ATP13A2: variants seen among roughly 807,000 people sequenced by gnomAD.
ATP13A2 encodes ATPase cation transporting 13A2.
ATP13A2 carries 83 observed loss-of-function variants against 138.3 expected under a neutral mutation model. That is an observed-to-expected ratio of 0.60 (90% CI 0.50 to 0.72). The LOEUF (loss-of-function observed/expected upper bound fraction) is 0.72, where lower values mean the gene tolerates loss of function less well. Ranked by LOEUF, ATP13A2 falls within the 30% of genes least tolerant of loss-of-function variation. The pLI, the probability that ATP13A2 is intolerant of heterozygous loss-of-function variation, is 0.00. For synonymous variants in ATP13A2, 663 were observed against 699.0 expected (o/e 0.95, Z 0.81); for missense variants, 1,402 against 1,606.4 (o/e 0.87, Z 2.17).
Position 17,004,993 on chromosome 1 carries a change from G to A in ATP13A2, c.347+21C>T, listed in dbSNP as rs369067185. On this transcript the variant is annotated intron_variant, in intron 4 of 28. Transcript: ENST00000326735. This position sits in a 1 kb window ranked among gnomAD's most constrained non-coding sequence, Gnocchi z 4.1. ...CCAGGGTAGCAGGGGCTTCTGGGAA[G>A]GGGCAATGGGGCTGCCTCACCTGCC... 6.2e-7 allele frequency: 1 copy of A among 1,613,508 alleles called. No individual in the cohort carries two copies. Among genetic ancestry groups the A allele is most frequent in the Admixed American group, 1.7e-5 (1 of 60,002 alleles).
rs767641808 is a variant in ATP13A2, at chr1:17,002,141, A to G, written c.636-38T>C. The G allele has an allele frequency of 2.0e-5, 32 of 1,605,660 alleles. No individual in the cohort carries two copies. The East Asian group carries it at 6.5e-4, about 33-fold the overall frequency. On this transcript the variant is annotated intron_variant, in intron 7 of 28. Coordinates refer to ENST00000326735, the MANE Select transcript of ATP13A2 (RefSeq NM_022089.4). ...ATGAGGCCAAGCCATCAGAAGGAGG[A>G]GCTGTGGCTGGACCCTCCCGGGGTG...
At chr1:17,001,255 T>TAAAAAA (rs2077343976) in intron 8 of ATP13A2, among the ~76,000 whole-genome samples, 1 of 55,152 alleles carries the variant, frequency 1.8e-5, no homozygotes, top group African/African-American at 1.0e-4. Flanking sequence ...CCGTATCTAC[T>TAAAAAA]AAAAATACAA....
rs374472419 is a variant in ATP13A2, at chr1:16,994,293, C to T, written c.1543-458G>A. ...TGTCGCCCGCGCTGGAGTGCAGTGG[C>T]GCAATCTCAGTTCACTGCAACCTCC... On this transcript the variant is annotated intron_variant, in intron 15 of 28. Transcript: ENST00000326735. Among the ~76,000 whole-genome samples, 141 of 151,184 alleles carry T rather than the reference C, an allele frequency of 9.3e-4. 6 individuals are homozygous for T. The South Asian group carries it at 0.027, about 29-fold the overall frequency.
intron 1 of ATP13A2, among the ~76,000 whole-genome samples, chr1:17,009,687 AC>A (rs1206156421): frequency 6.6e-6 from 1 of 151,328 alleles, no homozygotes; most frequent in Non-Finnish European, 1.5e-5. Flanking sequence ...GAGCCACCAC[AC>A]CCGGCCTCAA....
chr1:16,988,528 G>A, intron 23 of ATP13A2, 54 bp from the exon 24 acceptor site: 2 of 1,611,862 alleles, frequency 1.2e-6, no homozygotes, highest in Non-Finnish European at 1.7e-6. Flanking sequence ...CCACCCCATG[G>A]GTGGGCTGGC....
rs564643512 is a variant in ATP13A2 at position 16,988,226 on chromosome 1, C to T, written c.2771G>A (p.Arg924His). The T allele has an allele frequency of 1.4e-4, 233 of 1,614,046 alleles. No homozygotes were observed. Among genetic ancestry groups the T allele is most frequent in the Non-Finnish European group, 1.8e-4 (217 of 1,180,010 alleles). The change falls in exon 25 of 29, where the codon CGC (arginine) becomes CAC (histidine). Residue 924 changes from arginine (R) to histidine (H), a missense_variant. Transcript: ENST00000326735. The part of the protein sequence containing the change: ...ECVPMVIREG[R>H]CSLDTSFSVF... ...GCTGAACGAAGTGTCAAGGGAACAG[C>T]GCCCCTCCCTGGGTGGCAGGGCACG... is the stretch of plus-strand genomic sequence containing the variant.
intron 8 of ATP13A2, among the ~76,000 whole-genome samples, chr1:17,001,568 A>T (rs2077358021): frequency 6.6e-6 from 1 of 152,120 alleles, no homozygotes; most frequent in Admixed American, 6.5e-5. Context: ...ACTTTATTCT[A>T]GTTGTGTCCA....
intron 25 of ATP13A2, 25 bp downstream of exon 25, chr1:16,988,113 G>A: frequency 6.2e-7 from 1 of 1,603,314 alleles, no homozygotes; most frequent in East Asian, 2.2e-5. Flanking sequence ...GACGGCTCTG[G>A]GTACGGAGCT....
In ATP13A2 at chr1:16,996,412, T is replaced by G; in HGVS notation, c.1280A>C (p.Lys427Thr). 3 of 1,614,102 alleles carry G rather than the reference T, an allele frequency of 1.9e-6. No homozygotes were observed. Among genetic ancestry groups the G allele is most frequent in the Non-Finnish European group, 8.5e-7 (1 of 1,180,022 alleles). The change falls in exon 13 of 29, where the codon AAG (lysine) becomes ACG (threonine). Residue 427 changes from lysine to threonine, a missense_variant. Physicochemically the swap from Lys to Thr is moderately conservative, Grantham distance 78. Transcript: ENST00000326735. ...INFKFYKHSM[K>T]FVAALSVLAL... The stretch of plus-strand genomic sequence containing the variant: ...CAGGACAGAGAGGGCAGCCACAAAC[T>G]TCATGCTGTGTTTATAGAACTTGAA...
At chr1:16,996,652 C>G (rs988482401) in intron 12 of ATP13A2, 156 bp from the exon 13 acceptor site, 1 of 658,444 alleles carries the variant, frequency 1.5e-6, no homozygotes, top group Non-Finnish European at 2.7e-6. Flanking sequence ...TCTGGCCCGG[C>G]TCTTGTAGGC....
chr1:16,997,376 C>A (rs1020458742), intron 11 of ATP13A2, among the ~76,000 whole-genome samples: 1 of 138,932 alleles, frequency 7.2e-6, no homozygotes, highest in Non-Finnish European at 1.5e-5. Flanking sequence ...CAGGGAGACA[C>A]TCCTGGAAGC....
At position 17,000,008 on chromosome 1, in the gene ATP13A2, C is replaced by T; in HGVS notation, c.1039+3G>A. ...AGCTGCAGGCCAGGGGCTGGGGGCTCACCTGTCAGAGAGCTCTCATTCACC... is the reference window on the plus strand; with the variant it reads ...AGCTGCAGGCCAGGGGCTGGGGGCTTACCTGTCAGAGAGCTCTCATTCACC... On this transcript the variant is annotated splice_donor_region_variant and intron_variant, in intron 11 of 28. Transcript: ENST00000326735. 2 of 1,603,602 alleles carry T rather than the reference C, an allele frequency of 1.2e-6. No homozygotes were observed. The highest frequency in any genetic ancestry group is 2.2e-5 in the South Asian group (2 of 90,028).
rs374468183 is a variant in ATP13A2 at position 17,000,547 on chromosome 1, C to A, written c.706-13G>T. On this transcript the variant is annotated splice_polypyrimidine_tract_variant and intron_variant, in intron 8 of 28. Transcript: ENST00000326735. ...AGGGGTTCAGTGCCTGGGGGAGGGG[C>A]GGGAGGCAGCGTCAGGGCCGCGTCC... 16 of 1,610,940 alleles carry A rather than the reference C, an allele frequency of 9.9e-6. No individual in the cohort carries two copies. Among genetic ancestry groups the A allele is most frequent in the Admixed American group, 1.7e-5 (1 of 59,924 alleles).
chr1:17,002,453 A>G, intron 6 of ATP13A2, 80 bp from the exon 7 acceptor site: 1 of 1,509,758 alleles, frequency 6.6e-7, no homozygotes. Context: ...GCTGGAGACT[A>G]TGGGCTCTAG....
At position 16,992,235 on chromosome 1, in the gene ATP13A2, C is replaced by T; in HGVS notation, c.2005+8G>A. On this transcript the variant is annotated splice_region_variant and intron_variant, in intron 18 of 28. Transcript: ENST00000326735. ...CAACCAGGGGGACTCAGGGGCTTCC[C>T]CCTGCACCTGTCTCGGGGTTGCAGA... 5 of 1,612,782 alleles carry T rather than the reference C, an allele frequency of 3.1e-6. No homozygotes were observed. Among genetic ancestry groups the T allele is most frequent in the Non-Finnish European group, 4.2e-6 (5 of 1,179,944 alleles).
intron 23 of ATP13A2, 66 bp from the exon 24 acceptor site, chr1:16,988,540 G>C: frequency 6.2e-7 from 1 of 1,607,554 alleles, no homozygotes; most frequent in Non-Finnish European, 8.5e-7. Context: ...TGGGCTGGCA[G>C]AATATGATGA....
intron 24 of ATP13A2, 23 bp downstream of exon 24, chr1:16,988,299 C>A (rs745504274): frequency 6.2e-7 from 1 of 1,614,192 alleles, no homozygotes; most frequent in South Asian, 1.1e-5. Flanking sequence ...GAGCCCTCAC[C>A]CACCGGTCCC....
chr1:16,995,905 G>A lies in ATP13A2; in HGVS notation c.1542+71C>T, dbSNP rs769412081. On this transcript the variant is annotated intron_variant, in intron 15 of 28. Transcript: ENST00000326735. The surrounding 1 kb of genome is among the most constrained non-coding windows in gnomAD (Gnocchi z 4.1). ...GTGGGTGCTGCTGAGAGAATAACGCGGGTGTGGAGGCCTCACTGGGGCGCC... is the reference window on the plus strand; with the variant it reads ...GTGGGTGCTGCTGAGAGAATAACGCAGGTGTGGAGGCCTCACTGGGGCGCC... 1.0e-5 allele frequency: 16 copies of A among 1,571,530 alleles called. No individual in the cohort carries two copies. Among genetic ancestry groups the A allele is most frequent in the African/African-American group, 1.4e-5 (1 of 73,996 alleles).
At chr1:17,001,775 C>T (rs372217849) in intron 8 of ATP13A2, among the ~76,000 whole-genome samples, 165 of 152,346 alleles carry the variant, frequency 1.1e-3, no homozygotes, top group East Asian at 3.5e-3. Context: ...GCTCAGGCTG[C>T]GTGGATTTGC....
Sources: allele counts gnomAD v4.1 joint callset (sites outside exome capture counted in the v4.1 genomes callset), GRCh38; gene constraint gnomAD v4.1.1; non-coding constraint Gnocchi (gnomAD v3.1); transcripts MANE v1.5; gene names NCBI Gene and HGNC (gene_info 2026-07-23, HGNC 2026-07-21).